The following PTPDC1 variants were observed in gnomAD, a reference collection of about 807,000 sequenced individuals.
PTPDC1 encodes protein tyrosine phosphatase domain containing 1, also known as protein tyrosine phosphatase domain-containing protein 1.
A neutral mutation model predicts 75.3 loss-of-function variants in PTPDC1; 53 were observed. The observed-to-expected ratio is 0.70, with a 90% CI of 0.56 to 0.88. PTPDC1 has a LOEUF of 0.88. PTPDC1 is among the 40% of genes least tolerant of loss of function. The probability of loss-of-function intolerance (pLI) is 0.00; values close to 1 mark genes in which losing one functional copy is unlikely to be tolerated. For synonymous variants in PTPDC1, 349 were observed against 366.2 expected, an observed-to-expected ratio of 0.95 and a Z score of 0.54; for missense variants, 925 against 998.6, an observed-to-expected ratio of 0.93 and a Z score of 0.99.
In PTPDC1 at chr9:94,098,155, A is replaced by G. The variant is rs770210300; in HGVS notation, c.1589A>G (p.His530Arg). 6.2e-7 allele frequency: 1 copy of G among 1,614,226 alleles called. No homozygotes were observed. The highest frequency in any genetic ancestry group is 1.6e-4 in the Middle Eastern group (1 of 6,062). ...GLKDNGSPIF[H>R]GRIIPKEAQQ... ...AAAGATAATGGGTCACCAATTTTCC[A>G]TGGAAGGATCATTCCAAAGGAAGCA... Residue 530 changes from histidine to arginine, a missense_variant, in exon 6 of 9, where the codon CAT (histidine) becomes CGT (arginine). By Grantham distance (29) the His-to-Arg change is conservative. Coordinates refer to ENST00000620992, the MANE Select transcript of PTPDC1 (RefSeq NM_001253829.2).
At chr9:94,043,771 A>T (rs1304438675) in intron 1 of PTPDC1, among the ~76,000 whole-genome samples, 1 of 152,108 alleles carries the variant, frequency 6.6e-6, no homozygotes, top group Admixed American at 6.6e-5. Context: ...CTTTTCTCCT[A>T]TATTTTTTTC....
At position 94,109,216 on chromosome 9, in the gene PTPDC1, A is replaced by G. The variant is rs1587921573; in HGVS notation, c.*1272A>G. 3 of 152,348 alleles carry G rather than the reference A, an allele frequency of 2.0e-5. No homozygotes were observed. Among genetic ancestry groups the G allele is most frequent in the African/African-American group, 4.8e-5 (2 of 41,584 alleles). The allele number at this position is 152,348 out of a possible 1,614,324, so 9.4% of individuals were successfully genotyped here. A position where few individuals can be genotyped will look rare whatever the true frequency, so the allele number is the denominator to read the frequency against. On this transcript the variant is annotated 3_prime_UTR_variant, in exon 9 of 9. Transcript: ENST00000620992. ...ATACGTAGATACCAGAGGCCAAGCC[A>G]CAGAGAGGATAATAGTTCTTCCCAA...
chr9:94,066,983 A>C (rs1221240546), intron 2 of PTPDC1, among the ~76,000 whole-genome samples: 2 of 152,168 alleles, frequency 1.3e-5, no homozygotes, highest in African/African-American at 4.8e-5. Flanking sequence ...TCATCCCTCA[A>C]ATATGTACCA....
chr9:94,104,196 T>G (rs936162379), intron 7 of PTPDC1, 79 bp from the exon 8 acceptor site: 13 of 874,172 alleles, frequency 1.5e-5, no homozygotes, highest in Non-Finnish European at 2.3e-5. Context: ...AACCAATTCT[T>G]GACTCTACGA....
intron 1 of PTPDC1, among the ~76,000 whole-genome samples, chr9:94,063,517 C>T (rs1826207794): frequency 6.6e-6 from 1 of 152,166 alleles, no homozygotes; most frequent in Admixed American, 6.5e-5. Context: ...ATTAATATTT[C>T]AGGAAGCATT....
rs1369751331 is a variant in PTPDC1 at position 94,064,565 on chromosome 9, G to A, written c.-6-169G>A. 2.0e-5 allele frequency among the ~76,000 whole-genome samples: 3 copies of A among 152,122 alleles called. No homozygotes were observed. In the East Asian group the frequency reaches 5.8e-4, roughly 29 times the overall value. ...TTGTGTTAAATTTTCAGCATCTTGTGTGTATTTTACACTTAACAGCACATC... is the reference window on the plus strand; with the variant it reads ...TTGTGTTAAATTTTCAGCATCTTGTATGTATTTTACACTTAACAGCACATC... On this transcript the variant is annotated intron_variant, in intron 1 of 9. Coordinates refer to the PTPDC1 transcript ENST00000375360.
At chr9:94,080,671 T>A (rs78231304), upstream of PTPDC1, among the ~76,000 whole-genome samples, 3,090 of 152,310 alleles carry the variant, frequency 0.02, 122 homozygotes, top group African/African-American at 0.071. Flanking sequence ...CCTATACTCT[T>A]CAAAAGTGTC....
intron 1 of PTPDC1, among the ~76,000 whole-genome samples, chr9:94,040,281 A>C (rs1393956298): frequency 6.6e-6 from 1 of 152,220 alleles, no homozygotes; most frequent in African/African-American, 2.4e-5. Flanking sequence ...AGCCTAGTCC[A>C]AGTACTCAGT....
chr9:94,063,368 A>T (rs759375272), intron 1 of PTPDC1, among the ~76,000 whole-genome samples: 1 of 152,202 alleles, frequency 6.6e-6, no homozygotes. Context: ...CTTTCAAATT[A>T]AGTTTTTGCT....
At chr9:94,104,167 T>G (rs1476808054) in intron 7 of PTPDC1, 108 bp from the exon 8 acceptor site, 1 of 602,270 alleles carries the variant, frequency 1.7e-6, no homozygotes, top group Non-Finnish European at 2.9e-6. Context: ...GCATTTGACA[T>G]TATGAGTACT....
At chr9:94,083,469 AT>A (rs1400426430), upstream of PTPDC1, among the ~76,000 whole-genome samples, 142 of 151,860 alleles carry the variant, frequency 9.4e-4, no homozygotes, top group African/African-American at 3.1e-3. Context: ...AAAAAAAAAA[AT>A]AGAAAATAGC....
chr9:94,033,683 T>G (rs959584666), intron 1 of PTPDC1, among the ~76,000 whole-genome samples: 3 of 152,220 alleles, frequency 2.0e-5, no homozygotes, highest in Non-Finnish European at 4.4e-5. Context: ...AATATTAGTT[T>G]TTTTCCTCTC....
At chr9:94,052,344 C>T (rs909588055) in intron 1 of PTPDC1, among the ~76,000 whole-genome samples, 1 of 152,046 alleles carries the variant, frequency 6.6e-6, no homozygotes, top group Non-Finnish European at 1.5e-5. Flanking sequence ...TCTATTATTT[C>T]TCTTCTTTTA....
chr9:94,104,567 C>T (rs1827952046), intron 8 of PTPDC1, among the ~76,000 whole-genome samples, 182 bp downstream of exon 8: 1 of 152,152 alleles, frequency 6.6e-6, no homozygotes, highest in South Asian at 2.1e-4. Context: ...AAAAAAGTTT[C>T]CAAACAATGA....
intron 1 of PTPDC1, among the ~76,000 whole-genome samples, chr9:94,049,327 G>A (rs1042282858): frequency 6.6e-6 from 1 of 152,118 alleles, no homozygotes; most frequent in African/African-American, 2.4e-5. Flanking sequence ...TTTACAATTT[G>A]GCATGTTTTT....
chr9:94,102,554 A>T (rs934486625), intron 7 of PTPDC1, among the ~76,000 whole-genome samples: 1 of 151,998 alleles, frequency 6.6e-6, no homozygotes, highest in African/African-American at 2.4e-5. Flanking sequence ...TCAGTTTAAA[A>T]CAGGGTTTGT....
chr9:94,091,644 T>G (rs1219362867), intron 4 of PTPDC1, among the ~76,000 whole-genome samples: 6 of 152,180 alleles, frequency 3.9e-5, no homozygotes, highest in African/African-American at 1.4e-4. Flanking sequence ...ATTGGAATAG[T>G]TTCAGAAGGA....
intron 2 of PTPDC1, among the ~76,000 whole-genome samples, chr9:94,075,235 G>A (rs1826645583): frequency 6.6e-6 from 1 of 152,112 alleles, no homozygotes; most frequent in Non-Finnish European, 1.5e-5. Flanking sequence ...TCCCTGATCA[G>A]CCCCAAAACC....
intron 4 of PTPDC1, 52 bp from the exon 5 acceptor site, chr9:94,095,265 C>G: frequency 2.2e-6 from 3 of 1,337,714 alleles, no homozygotes; most frequent in South Asian, 3.1e-5. Context: ...AGTGTTTGTA[C>G]TTTCATTAAT....
Sources: gnomAD v4.1 joint callset for allele counts (sites outside exome capture counted in the v4.1 genomes callset) on GRCh38, gnomAD v4.1.1 for gene constraint, MANE v1.5 for transcripts, NCBI Gene and HGNC (gene_info 2026-07-23, HGNC 2026-07-21) for gene names.